Variants in FAM13A observed in about 807,000 individuals in gnomAD.
FAM13A encodes the protein family with sequence similarity 13 member A.
A neutral mutation model predicts 129.6 loss-of-function variants in FAM13A; 76 were observed. The ratio of observed to expected loss-of-function variants is 0.59; its 90% confidence interval spans 0.49 to 0.71. FAM13A has a LOEUF of 0.71. Among genes scored for constraint, FAM13A ranks in the 30% least tolerant of loss-of-function variants. The probability of loss-of-function intolerance (pLI) is 0.00; values close to 1 mark genes in which losing one functional copy is unlikely to be tolerated. For missense variants in FAM13A, 1,108 were observed against 1,249.3 expected (o/e 0.89, Z 1.70); for synonymous variants, 443 against 449.9 (o/e 0.98, Z 0.20).
rs1767113459 is a variant in FAM13A at position 89,020,464 on chromosome 4, A to C, written c.423T>G (p.Phe141Leu). 2 of 1,612,304 alleles carry C rather than the reference A, an allele frequency of 1.2e-6. No individual in the cohort carries two copies. The part of the protein sequence containing the change: ...SALQPRFIQL[F>L]QDGRNDVQES... ...AAAAGGATTTATTGTACTAACCCTG[A>C]AAGAGTTGAATGAATCGAGGCTGCA... Residue 141 changes from phenylalanine (F) to leucine (L), a missense_variant, in exon 3 of 24, where the codon TTT becomes TTG. Transcript: ENST00000264344.
In FAM13A at chr4:88,750,570, C is replaced by A. The variant is rs61737091; in HGVS notation, c.1794G>T (p.Pro598=). The A allele has an allele frequency of 1.3e-4, 208 of 1,614,024 alleles. No homozygotes were observed. In the East Asian group the frequency reaches 4.0e-3, roughly 31 times the overall value. The change falls in exon 15 of 24, where the codon CCG becomes CCT. Residue 598 remains proline, a synonymous_variant. Coordinates refer to ENST00000264344, the MANE Select transcript of FAM13A (RefSeq NM_014883.4). The part of the protein sequence containing the change: ...NSDSDEAHLS[P]QAGRLIRQLL... ...GCTGACGGATCAGGCGCCCAGCCTG[C>A]GGCGAGAGGTGGGCTTCATCAGAGT... is the stretch of plus-strand genomic sequence containing the variant.
At chr4:88,822,881 AT>A in intron 7 of FAM13A, 1 of 1,547,020 alleles carries the variant, frequency 6.5e-7, no homozygotes, top group Non-Finnish European at 8.7e-7. Context: ...ACTTTGCAGC[AT>A]GTTACTAAAA....
At chr4:88,812,893 T>C (rs1181630465) in intron 7 of FAM13A, among the ~76,000 whole-genome samples, 2 of 152,224 alleles carry the variant, frequency 1.3e-5, no homozygotes, top group African/African-American at 4.8e-5. Context: ...ATACTGTTTA[T>C]AATTTGTAAA....
rs10700709 is a variant in FAM13A at position 88,893,826 on chromosome 4, C to CAAAA, written c.843+12549_843+12552dup. 1.4e-3 allele frequency among the ~76,000 whole-genome samples: 167 copies of CAAAA among 118,004 alleles called. 3 individuals are homozygous for CAAAA. Among genetic ancestry groups the CAAAA allele is most frequent in the Admixed American group, 3.2e-3 (35 of 11,046 alleles). The allele number at this position is 118,004 out of a possible 152,430, so 77.4% of individuals were successfully genotyped here. On this transcript the variant is annotated intron_variant, in intron 6 of 23. Transcript: ENST00000264344. ...AGGCTGATGGAGCGAGACTCCGTCTCAAAAAAAAAAAAAAAAAGAAACAGT... is the reference window on the plus strand; with the variant it reads ...AGGCTGATGGAGCGAGACTCCGTCTCAAAAAAAAAAAAAAAAAAAAAGAAACAGT...
chr4:88,763,247 C>T (rs1237389199), intron 13 of FAM13A, among the ~76,000 whole-genome samples: 1 of 151,694 alleles, frequency 6.6e-6, no homozygotes, highest in South Asian at 2.1e-4. Context: ...AATGCTACTT[C>T]CATTTATACC....
At chr4:88,986,220 A>G (rs896988975) in intron 4 of FAM13A, among the ~76,000 whole-genome samples, 1 of 149,758 alleles carries the variant, frequency 6.7e-6, no homozygotes, top group Non-Finnish European at 1.5e-5. Context: ...TGCAACCTCC[A>G]CCTCCCGGGT....
intron 7 of FAM13A, among the ~76,000 whole-genome samples, chr4:88,832,306 C>T (rs531168190): frequency 2.6e-5 from 4 of 152,186 alleles, no homozygotes; most frequent in South Asian, 4.2e-4. Context: ...CTTGGCAATA[C>T]CATTCAGGAC....
At chr4:88,728,874 A>G in intron 23 of FAM13A, 2 of 481,292 alleles carry the variant, frequency 4.2e-6, no homozygotes, top group South Asian at 5.2e-5. Context: ...GAGTTTTTAT[A>G]TAGTTAATCT....
intron 1 of FAM13A, among the ~76,000 whole-genome samples, chr4:89,033,136 A>ACT (rs34237387): frequency 9.9e-4 from 148 of 149,958 alleles, no homozygotes; most frequent in Admixed American, 1.2e-3. Flanking sequence ...ACACACACAC[A>ACT]CTCTCTCTCT....
intron 1 of FAM13A, among the ~76,000 whole-genome samples, chr4:89,044,552 T>C (rs1770588475): frequency 6.6e-6 from 1 of 152,200 alleles, no homozygotes; most frequent in African/African-American, 2.4e-5. Context: ...AGATTTACTA[T>C]ATTATCCAAT....
intron 1 of FAM13A, among the ~76,000 whole-genome samples, chr4:89,038,462 T>TAA (rs35626848): frequency 6.8e-6 from 1 of 146,656 alleles, no homozygotes; most frequent in Non-Finnish European, 1.5e-5. Context: ...CAGAAAGCAA[T>TAA]AAAAAAAAAA....
At chr4:88,823,251 CT>C in intron 7 of FAM13A, 1 of 1,293,110 alleles carries the variant, frequency 7.7e-7, no homozygotes, top group Non-Finnish European at 9.8e-7. Flanking sequence ...CCACTTTGAC[CT>C]TTTGTTCCAG....
At chr4:88,797,104 C>T (rs1726350217) in intron 8 of FAM13A, among the ~76,000 whole-genome samples, 1 of 152,058 alleles carries the variant, frequency 6.6e-6, no homozygotes, top group African/African-American at 2.4e-5. Context: ...TGCTTATAAT[C>T]AGATCTCTAG....
intron 7 of FAM13A, chr4:88,822,853 G>A (rs1732281195): frequency 6.5e-6 from 9 of 1,388,944 alleles, no homozygotes; most frequent in Non-Finnish European, 7.7e-6. Flanking sequence ...GGAACCATAT[G>A]TACAACGGAC....
At chr4:88,929,768 C>T (rs542482986) in intron 5 of FAM13A, among the ~76,000 whole-genome samples, 2 of 152,168 alleles carry the variant, frequency 1.3e-5, no homozygotes, top group East Asian at 3.9e-4. Flanking sequence ...GACAGGATCT[C>T]TCTCTGTCAC....
At chr4:88,967,127 G>T (rs924812370) in intron 4 of FAM13A, among the ~76,000 whole-genome samples, 1 of 152,156 alleles carries the variant, frequency 6.6e-6, no homozygotes, top group Non-Finnish European at 1.5e-5. Flanking sequence ...AAATAAGATA[G>T]TACATGTAAT....
In FAM13A at chr4:88,987,838, C is replaced by CAAAAAAAAAA. The variant is rs1158179811; in HGVS notation, c.605+3125_605+3134dup. On this transcript the variant is annotated intron_variant, in intron 4 of 23. Coordinates refer to ENST00000264344, the MANE Select transcript of FAM13A (RefSeq NM_014883.4). ...GCCTGGGTGACAGTGAGACTCCTCT[C>CAAAAAAAAAA]AAAAAAAAAAAAAAAAACTTAATCT... 8.4e-4 allele frequency among the ~76,000 whole-genome samples: 60 copies of CAAAAAAAAAA among 71,186 alleles called. 9 individuals are homozygous for CAAAAAAAAAA. Among genetic ancestry groups the CAAAAAAAAAA allele is most frequent in the Admixed American group, 1.1e-3 (6 of 5,504 alleles). 46.7% of individuals were successfully genotyped at this position (71,186 alleles called of 152,430 possible).
At chr4:89,046,068 T>C (rs1770816557) in intron 1 of FAM13A, among the ~76,000 whole-genome samples, 1 of 150,674 alleles carries the variant, frequency 6.6e-6, no homozygotes, top group Non-Finnish European at 1.5e-5. Context: ...ATGAGCCATA[T>C]TTAATAATCA....
chr4:88,790,797 A>T (rs953644677), intron 8 of FAM13A, among the ~76,000 whole-genome samples, 170 bp from the exon 9 acceptor site: 2 of 152,144 alleles, frequency 1.3e-5, no homozygotes, highest in African/African-American at 4.8e-5. Context: ...GTTTCTAGAA[A>T]TGGAGATGGC....
Sources: gnomAD v4.1 joint callset for allele counts (sites outside exome capture counted in the v4.1 genomes callset) on GRCh38, gnomAD v4.1.1 for gene constraint, MANE v1.5 for transcripts, NCBI Gene and HGNC (gene_info 2026-07-23, HGNC 2026-07-21) for gene names.